OXSR1: variants seen among roughly 807,000 people sequenced by gnomAD.
OXSR1 encodes serine/threonine-protein kinase OSR1.
A neutral mutation model predicts 79.8 loss-of-function variants in OXSR1; 24 were observed. The ratio of observed to expected loss-of-function variants is 0.30; its 90% CI spans 0.22 to 0.42. OXSR1 has a LOEUF of 0.42. OXSR1 is among the 10% of genes least tolerant of loss of function. The probability of loss-of-function intolerance (pLI) is 1.00; values close to 1 mark genes in which losing one functional copy is unlikely to be tolerated. For missense variants in OXSR1, 430 were observed against 618.4 expected, an observed-to-expected ratio of 0.70 and a Z score of 3.23; for synonymous variants, 226 against 209.2, an observed-to-expected ratio of 1.08 and a Z score of -0.69.
intron 10 of OXSR1, among the ~76,000 whole-genome samples, chr3:38,231,325 C>G (rs1702802165): frequency 6.6e-6 from 1 of 151,546 alleles, no homozygotes; most frequent in Non-Finnish European, 1.5e-5. Context: ...ATCAGAATCA[C>G]TTGGGGACTT....
chr3:38,218,837 A>T (rs1199757901), intron 5 of OXSR1, among the ~76,000 whole-genome samples: 1 of 152,106 alleles, frequency 6.6e-6, no homozygotes, highest in Non-Finnish European at 1.5e-5. Context: ...AACACTTATT[A>T]TAATGTATTA....
chr3:38,187,194 A>G (rs778736375), intron 2 of OXSR1, among the ~76,000 whole-genome samples: 6 of 152,248 alleles, frequency 3.9e-5, no homozygotes, highest in Non-Finnish European at 7.3e-5. Context: ...ATTCATAAAT[A>G]TTATAACTGA....
chr3:38,177,645 T>C (rs1362979276), intron 1 of OXSR1, among the ~76,000 whole-genome samples: 1 of 152,120 alleles, frequency 6.6e-6, no homozygotes, highest in Non-Finnish European at 1.5e-5. Flanking sequence ...AGTGCAGTGG[T>C]GTGAACATGG....
At chr3:38,176,529 C>T (rs997429121) in intron 1 of OXSR1, among the ~76,000 whole-genome samples, 54 of 152,246 alleles carry the variant, frequency 3.5e-4, no homozygotes, top group African/African-American at 1.3e-3. Flanking sequence ...CCTTAAAATA[C>T]TTTTCAATTG....
intron 1 of OXSR1, among the ~76,000 whole-genome samples, chr3:38,181,088 A>G (rs1701776048): frequency 6.7e-6 from 1 of 150,302 alleles, no homozygotes; most frequent in Admixed American, 6.6e-5. Context: ...ATCTTTTATC[A>G]TTATCCCACC....
intron 2 of OXSR1, among the ~76,000 whole-genome samples, chr3:38,187,351 ACT>A (rs756273979): frequency 2.6e-5 from 4 of 152,280 alleles, no homozygotes; most frequent in Non-Finnish European, 5.9e-5. Context: ...AGATATCGAG[ACT>A]CTAAATTCAG....
At chr3:38,209,606 G>A (rs9311182) in intron 4 of OXSR1, among the ~76,000 whole-genome samples, 2 of 146,510 alleles carry the variant, frequency 1.4e-5, no homozygotes, top group Non-Finnish European at 3.0e-5. Flanking sequence ...ATTCCATTTC[G>A]TTTCCTCTCT....
intron 1 of OXSR1, among the ~76,000 whole-genome samples, chr3:38,172,018 G>A (rs931351542): frequency 2.0e-5 from 3 of 152,146 alleles, no homozygotes; most frequent in African/African-American, 7.2e-5. Flanking sequence ...TGTCACTGGG[G>A]CCGTTATATA....
chr3:38,250,792 G>T (rs1399158319), intron 15 of OXSR1, among the ~76,000 whole-genome samples: 3 of 152,154 alleles, frequency 2.0e-5, no homozygotes, highest in Non-Finnish European at 4.4e-5. Context: ...CTGGTTGCCT[G>T]TGTGAATGTG....
Position 38,231,889 on chromosome 3 carries a change from T to C in OXSR1, c.951+1459T>C, listed in dbSNP as rs75816644. On this transcript the variant is annotated intron_variant, in intron 10 of 17. Coordinates refer to ENST00000311806, the MANE Select transcript of OXSR1 (RefSeq NM_005109.3). The stretch of plus-strand genomic sequence containing the variant: ...TGGGAAGCCAAGGCAGGTGGATCAC[T>C]TGAGGCCAGGAGTTCAAGACCAGCC... Among the ~76,000 whole-genome samples, 56 of 152,222 alleles carry C rather than the reference T, an allele frequency of 3.7e-4. No homozygotes were observed. The East Asian group carries it at 0.011, about 30-fold the overall frequency.
chr3:38,200,255 G>A (rs566870683), intron 4 of OXSR1, among the ~76,000 whole-genome samples: 3 of 152,320 alleles, frequency 2.0e-5, no homozygotes, highest in Non-Finnish European at 4.4e-5. Context: ...CAGAGAGAGA[G>A]AGAGAGCAGG....
chr3:38,233,753 A>AAAAAAAAAAT (rs1216174778), intron 10 of OXSR1, among the ~76,000 whole-genome samples: 1 of 149,632 alleles, frequency 6.7e-6, no homozygotes, highest in Non-Finnish European at 1.5e-5. Context: ...GACTCTACCA[A>AAAAAAAAAAT]AAAAAAAAAT....
chr3:38,211,064 C>T (rs1702376727), intron 4 of OXSR1, among the ~76,000 whole-genome samples: 1 of 152,164 alleles, frequency 6.6e-6, no homozygotes, highest in South Asian at 2.1e-4. Flanking sequence ...TGGGCAGATT[C>T]ACAATGTTTA....
At chr3:38,240,673 G>A (rs1207291355) in intron 11 of OXSR1, among the ~76,000 whole-genome samples, 1 of 148,258 alleles carries the variant, frequency 6.7e-6, no homozygotes, top group East Asian at 2.1e-4. Flanking sequence ...TGAATATTAT[G>A]TTCCTTTGCC....
At chr3:38,166,295 G>A (rs1352360364) in intron 1 of OXSR1, among the ~76,000 whole-genome samples, 1 of 152,134 alleles carries the variant, frequency 6.6e-6, no homozygotes, top group East Asian at 1.9e-4. Flanking sequence ...TGAGAAATGG[G>A]ATCTTGAAGT....
At position 38,250,340 on chromosome 3, in the gene OXSR1, G is replaced by A. The variant is rs143391375; in HGVS notation, c.1375+322G>A. On this transcript the variant is annotated intron_variant, in intron 15 of 17. Transcript: ENST00000311806. ...GAAAAATTATTATCCCCATAGTATC[G>A]ATGATGAAATCAAGACTTAAAGGCA... is the stretch of plus-strand genomic sequence containing the variant. Among the ~76,000 whole-genome samples, 360 of 152,218 alleles carry A rather than the reference G, an allele frequency of 2.4e-3. 1 individual carries two copies. Among genetic ancestry groups the A allele is most frequent in the African/African-American group, 8.4e-3 (347 of 41,532 alleles).
intron 11 of OXSR1, among the ~76,000 whole-genome samples, chr3:38,241,814 TA>T (rs1206939674): frequency 6.6e-6 from 1 of 150,922 alleles, no homozygotes; most frequent in African/African-American, 2.4e-5. Context: ...TTTTTTTTTT[TA>T]AAAAAAAGGT....
intron 3 of OXSR1, among the ~76,000 whole-genome samples, chr3:38,195,003 T>TA (rs1372360268): frequency 6.6e-6 from 1 of 152,234 alleles, no homozygotes; most frequent in African/African-American, 2.4e-5. Context: ...GTGTCAATAT[T>TA]ATAATCATTT....
At chr3:38,200,295 A>T (rs774082839) in intron 4 of OXSR1, among the ~76,000 whole-genome samples, 1 of 152,088 alleles carries the variant, frequency 6.6e-6, no homozygotes, top group Non-Finnish European at 1.5e-5. Context: ...TATGTCTGTC[A>T]GTTGTTCTGG....
Sources: allele counts gnomAD v4.1 joint callset (sites outside exome capture counted in the v4.1 genomes callset), GRCh38; gene constraint gnomAD v4.1.1; transcripts MANE v1.5; gene names NCBI Gene and HGNC (gene_info 2026-07-23, HGNC 2026-07-21).